Variants in EXOC2 observed in about 807,000 individuals in gnomAD.
EXOC2 encodes the protein exocyst complex component 2.
In EXOC2, 70 loss-of-function variants were observed where a neutral mutation model predicts 131.8. That is an observed-to-expected ratio of 0.53 (90% CI 0.44 to 0.65). The LOEUF (loss-of-function observed/expected upper bound fraction) is 0.65, where lower values mean the gene tolerates loss of function less well. Ranked by LOEUF, EXOC2 falls within the 30% of genes least tolerant of loss-of-function variation. The pLI is 0.00. For missense variants in EXOC2, 923 were observed against 1,108.6 expected, an observed-to-expected ratio of 0.83 and a Z score of 2.38; for synonymous variants, 411 against 398.4, an observed-to-expected ratio of 1.03 and a Z score of -0.38.
rs561836234 is a variant in EXOC2, at chr6:564,279, A to C, written c.1668-125T>G. 2.1e-6 allele frequency: 3 copies of C among 1,398,336 alleles called. No individual in the cohort carries two copies. In the Admixed American group the frequency reaches 7.7e-5, roughly 36 times the overall value. 86.6% of individuals were successfully genotyped at this position (1,398,336 alleles called of 1,614,324 possible). ...AGCTACAGCATTAGGCTGAAAACAG[A>C]AACAGACCACAACTGGGACTGTACT... On this transcript the variant is annotated intron_variant, in intron 15 of 27. Coordinates refer to ENST00000230449, the MANE Select transcript of EXOC2 (RefSeq NM_018303.6).
intron 22 of EXOC2, among the ~76,000 whole-genome samples, chr6:532,853 T>A (rs985219373): frequency 5.9e-5 from 9 of 152,232 alleles, no homozygotes; most frequent in African/African-American, 2.2e-4. Context: ...CATACTGCTA[T>A]AAAGAACTGC....
chr6:657,764 CAAAAA>C (rs11319548), intron 1 of EXOC2, among the ~76,000 whole-genome samples: 5 of 135,384 alleles, frequency 3.7e-5, no homozygotes, highest in Admixed American at 7.4e-5. Context: ...CTCTGGCAGG[CAAAAA>C]AAAAAAAAAA....
intron 23 of EXOC2, among the ~76,000 whole-genome samples, chr6:527,279 C>T (rs542185398): frequency 4.6e-5 from 7 of 152,322 alleles, no homozygotes; most frequent in Admixed American, 2.0e-4. Context: ...AGAAATTCTA[C>T]GCTGGACCTG....
chr6:510,764 A>T (rs1021359286), intron 23 of EXOC2, among the ~76,000 whole-genome samples: 2 of 152,252 alleles, frequency 1.3e-5, no homozygotes, highest in Non-Finnish European at 2.9e-5. Context: ...ACATAAAGGT[A>T]GAAAGTTAAT....
chr6:526,527 G>C (rs1049127810), intron 23 of EXOC2, among the ~76,000 whole-genome samples: 1 of 142,648 alleles, frequency 7.0e-6, no homozygotes, highest in Non-Finnish European at 1.5e-5. Flanking sequence ...GGCAACCTCT[G>C]CCTCCTGGGT....
At chr6:640,242 A>G (rs922491373) in intron 1 of EXOC2, among the ~76,000 whole-genome samples, 5 of 152,224 alleles carry the variant, frequency 3.3e-5, no homozygotes, top group African/African-American at 1.2e-4. Context: ...TCAGATAAAC[A>G]GCCTCATTCT....
intron 23 of EXOC2, among the ~76,000 whole-genome samples, chr6:503,296 C>A (rs1399828455): frequency 6.6e-6 from 1 of 152,030 alleles, no homozygotes; most frequent in Non-Finnish European, 1.5e-5. Flanking sequence ...AGGCACATGG[C>A]AGAGGTGCTC....
chr6:596,132 A>C (rs1759806735), intron 10 of EXOC2, among the ~76,000 whole-genome samples: 1 of 151,930 alleles, frequency 6.6e-6, no homozygotes, highest in Non-Finnish European at 1.5e-5. Context: ...CATCCCGCAC[A>C]GCGCCTGAGC....
intron 1 of EXOC2, among the ~76,000 whole-genome samples, chr6:648,438 T>C (rs1762678157): frequency 6.6e-6 from 1 of 152,220 alleles, no homozygotes; most frequent in African/African-American, 2.4e-5. Context: ...AAAGGAACGC[T>C]CTAGTCTACA....
At chr6:632,506 T>G (rs1002990551) in intron 3 of EXOC2, among the ~76,000 whole-genome samples, 4 of 152,150 alleles carry the variant, frequency 2.6e-5, no homozygotes, top group Non-Finnish European at 4.4e-5. Flanking sequence ...AGCTAGGAAA[T>G]GTATCATCTG....
At chr6:521,319 C>G (rs1765457873) in intron 23 of EXOC2, among the ~76,000 whole-genome samples, 1 of 152,156 alleles carries the variant, frequency 6.6e-6, no homozygotes, top group Non-Finnish European at 1.5e-5. Flanking sequence ...GAGATGAAAA[C>G]CACCACGCAC....
At chr6:583,026 A>G (rs1487036350) in intron 11 of EXOC2, among the ~76,000 whole-genome samples, 1 of 152,220 alleles carries the variant, frequency 6.6e-6, no homozygotes, top group Non-Finnish European at 1.5e-5. Context: ...TTGGCCAGTT[A>G]TGTGAGAATC....
chr6:487,540 G>A (rs1000212446), intron 27 of EXOC2, among the ~76,000 whole-genome samples: 1 of 152,098 alleles, frequency 6.6e-6, no homozygotes, highest in African/African-American at 2.4e-5. Flanking sequence ...CTGAGTAGCT[G>A]AAACTACAGG....
At chr6:618,835 C>T (rs1220666636) in intron 5 of EXOC2, among the ~76,000 whole-genome samples, 1 of 152,194 alleles carries the variant, frequency 6.6e-6, no homozygotes, top group African/African-American at 2.4e-5. Context: ...AAGCAATAAA[C>T]CATTGATTTA....
Position 506,231 on chromosome 6 carries a change from G to A in EXOC2, c.2381-6531C>T, listed in dbSNP as rs12206548. ...CAATATACTGAAATAATGTCATTAG[G>A]TATTTGCTGAATGCTCCGCACGTGC... On this transcript the variant is annotated intron_variant, in intron 23 of 27. Coordinates refer to ENST00000230449, the MANE Select transcript of EXOC2 (RefSeq NM_018303.6). This position sits in a 1 kb window ranked among gnomAD's most constrained non-coding sequence, Gnocchi z 4.4. Among the ~76,000 whole-genome samples, 70,844 of 152,146 alleles carry A rather than the reference G, an allele frequency of 0.47. 19,056 individuals are homozygous for A. The highest frequency in any genetic ancestry group is 0.69 in the South Asian group (3,318 of 4,824).
chr6:617,194 C>T (rs938255220), intron 6 of EXOC2, among the ~76,000 whole-genome samples: 6 of 151,812 alleles, frequency 4.0e-5, no homozygotes, highest in Non-Finnish European at 7.4e-5. Flanking sequence ...AAAAAAAAAA[C>T]TCTACCAACA....
chr6:486,546 A>C lies in EXOC2; in HGVS notation c.*125T>G, dbSNP rs1282587834. ...ATGTATACCAACAATTTTCGAAGTC[A>C]GAGGAAGAAAAAAGAGAAAAATGGC... On this transcript the variant is annotated 3_prime_UTR_variant, in exon 28 of 28. Transcript: ENST00000230449. 22 of 818,906 alleles carry C rather than the reference A, an allele frequency of 2.7e-5. 1 individual carries two copies. The highest frequency in any genetic ancestry group is 6.8e-4 in the Middle Eastern group (2 of 2,962). The allele number at this position is 818,906 out of a possible 1,614,324, so 50.7% of individuals were successfully genotyped here. A position where few individuals can be genotyped will look rare whatever the true frequency, so the allele number is the denominator to read the frequency against.
chr6:505,263 G>A (rs562881314), intron 23 of EXOC2, among the ~76,000 whole-genome samples: 7 of 152,302 alleles, frequency 4.6e-5, no homozygotes, highest in East Asian at 1.9e-4. Flanking sequence ...TAGAATTTCC[G>A]TTCAACTCTC....
At chr6:689,983 A>C (rs987868851) in intron 1 of EXOC2, among the ~76,000 whole-genome samples, 15 of 152,236 alleles carry the variant, frequency 9.9e-5, no homozygotes, top group African/African-American at 3.6e-4. Context: ...AGTACTATGA[A>C]GCAGACCAGA....
Sources: allele counts gnomAD v4.1 joint callset (sites outside exome capture counted in the v4.1 genomes callset), GRCh38; gene constraint gnomAD v4.1.1; non-coding constraint Gnocchi (gnomAD v3.1); transcripts MANE v1.5; gene names NCBI Gene and HGNC (gene_info 2026-07-23, HGNC 2026-07-21).